The following DHX37 variants were observed in gnomAD, a reference collection of about 807,000 sequenced individuals.
The protein encoded by DHX37 is probable ATP-dependent RNA helicase DHX37.
DHX37 carries 52 observed loss-of-function variants against 134.3 expected under a neutral mutation model. The ratio of observed to expected loss-of-function variants is 0.39; its 90% confidence interval spans 0.31 to 0.49. The LOEUF (loss-of-function observed/expected upper bound fraction) is 0.49. DHX37 is among the 20% of genes least tolerant of loss of function. DHX37 has a pLI of 0.93. For missense variants in DHX37, 1,344 were observed against 1,580.8 expected (o/e 0.85, Z 2.54); for synonymous variants, 634 against 670.7 (o/e 0.95, Z 0.85).
At position 124,947,749 on chromosome 12, in the gene DHX37, T is replaced by A; in HGVS notation, c.*53A>T. ...TCACGGTCGCACGGTGACAGGCTGC[T>A]GCCAGCCCTCCAGTCCCCAAACCAG... On this transcript the variant is annotated 3_prime_UTR_variant, in exon 27 of 27. Transcript: ENST00000308736. 1 of 1,507,366 alleles carries A rather than the reference T, an allele frequency of 6.6e-7. No homozygotes were observed. Among genetic ancestry groups the A allele is most frequent in the Admixed American group, 2.3e-5 (1 of 43,498 alleles). 93.4% of individuals were successfully genotyped at this position (1,507,366 alleles called of 1,614,324 possible).
Position 124,953,902 on chromosome 12 carries a change from C to G in DHX37, c.2673G>C (p.Leu891=). The G allele has an allele frequency of 2.5e-6, 4 of 1,611,826 alleles. No homozygotes were observed. The highest frequency in any genetic ancestry group is 3.4e-6 in the Non-Finnish European group (4 of 1,179,380). Residue 891 remains leucine (L), a synonymous_variant, in exon 20 of 27, where the codon CTG becomes CTC. Coordinates refer to ENST00000308736, the MANE Select transcript of DHX37 (RefSeq NM_032656.4). ...RYKAMMEIRR[L]RGQLTTAVNA... is the part of the protein sequence containing the mutation. ...TACCTGCGGTGGTCAGCTGGCCCCG[C>G]AGGCGCCGGATCTCCATCATGGCTT...
At chr12:124,960,987 G>A (rs769628687) in intron 15 of DHX37, among the ~76,000 whole-genome samples, 2 of 152,214 alleles carry the variant, frequency 1.3e-5, no homozygotes, top group Admixed American at 6.5e-5. Flanking sequence ...TCCATGTAGA[G>A]TACTTAAAAC....
In DHX37 at chr12:124,956,683, C is replaced by T. The variant is rs747347878; in HGVS notation, c.2453+8G>A. On this transcript the variant is annotated splice_region_variant and intron_variant, in intron 18 of 26. Coordinates refer to ENST00000308736, the MANE Select transcript of DHX37 (RefSeq NM_032656.4). ...TTGGCCCTGAGTGCCCAGCCGCCAACCTCGCACCTGTCCAGCTCCTCAAAC... is the reference window on the plus strand; with the variant it reads ...TTGGCCCTGAGTGCCCAGCCGCCAATCTCGCACCTGTCCAGCTCCTCAAAC... The T allele has an allele frequency of 1.9e-6, 3 of 1,542,928 alleles. No homozygotes were observed. Among genetic ancestry groups the T allele is most frequent in the Non-Finnish European group, 2.6e-6 (3 of 1,137,752 alleles).
intron 6 of DHX37, among the ~76,000 whole-genome samples, chr12:124,973,597 A>ATAC: frequency 7.0e-6 from 1 of 142,586 alleles, no homozygotes; most frequent in Admixed American, 7.1e-5. Flanking sequence ...GGGGCTCATT[A>ATAC]TACTATCCTT....
intron 6 of DHX37, among the ~76,000 whole-genome samples, chr12:124,974,944 T>C (rs1039442796): frequency 6.6e-6 from 1 of 151,872 alleles, no homozygotes; most frequent in Admixed American, 6.6e-5. Context: ...ACCTGGCTCA[T>C]CTTGTATTTT....
intron 15 of DHX37, 135 bp downstream of exon 15, chr12:124,964,259 C>T: frequency 7.1e-7 from 1 of 1,404,244 alleles, no homozygotes; most frequent in Non-Finnish European, 9.5e-7. Flanking sequence ...CTGGGGAGCA[C>T]CCCAAAGTCA....
At chr12:124,950,957 G>A in intron 21 of DHX37, 153 bp from the exon 22 acceptor site, 1 of 786,376 alleles carries the variant, frequency 1.3e-6, no homozygotes, top group Non-Finnish European at 1.5e-6. Flanking sequence ...TCCACACGCT[G>A]GAGTCTGATC....
chr12:124,985,465 G>C (rs967097744), intron 2 of DHX37, among the ~76,000 whole-genome samples: 1 of 151,966 alleles, frequency 6.6e-6, no homozygotes. Context: ...GGCTGGGCAT[G>C]GTGGTTCACG....
At chr12:124,977,807 T>C (rs949478819) in intron 4 of DHX37, among the ~76,000 whole-genome samples, 9 of 152,186 alleles carry the variant, frequency 5.9e-5, no homozygotes, top group African/African-American at 1.9e-4. Flanking sequence ...ATAAATAATC[T>C]GGTGCAAATT....
At chr12:124,954,886 TATTATC>T (rs1046651634) in intron 18 of DHX37, among the ~76,000 whole-genome samples, 5 of 152,184 alleles carry the variant, frequency 3.3e-5, no homozygotes, top group African/African-American at 1.2e-4. Flanking sequence ...ACAATCCAAT[TATTATC>T]ATTATCATCA....
chr12:124,975,358 C>T (rs1003367061), intron 6 of DHX37, 61 bp downstream of exon 6: 4 of 1,563,030 alleles, frequency 2.6e-6, no homozygotes, highest in African/African-American at 2.7e-5. Flanking sequence ...CTGGGCTTCC[C>T]ACATCTGGGC....
At chr12:124,972,633 G>A (rs550444935) in intron 6 of DHX37, 34 bp from the exon 7 acceptor site, 12 of 1,609,290 alleles carry the variant, frequency 7.5e-6, no homozygotes, top group African/African-American at 5.3e-5. Context: ...GGGCAGAGCC[G>A]TGCCTGGCTG....
chr12:124,950,559 C>A lies in DHX37; in HGVS notation c.2984-9G>T. 1.3e-6 allele frequency: 2 copies of A among 1,545,686 alleles called. No individual in the cohort carries two copies. The highest frequency in any genetic ancestry group is 1.7e-6 in the Non-Finnish European group (2 of 1,146,896). ...CTCCACGCTAGAGACGCCTGGGGGC[C>A]GGGGGAGGAAGCTGGGGTTACAGCG... is the stretch of plus-strand genomic sequence containing the variant. On this transcript the variant is annotated splice_polypyrimidine_tract_variant and intron_variant, in intron 22 of 26. Coordinates refer to ENST00000308736, the MANE Select transcript of DHX37 (RefSeq NM_032656.4).
rs764894461 is a variant in DHX37, at chr12:124,952,451, G to A, written c.2815C>T (p.Arg939Cys). 8.1e-6 allele frequency: 13 copies of A among 1,611,158 alleles called. No homozygotes were observed. The highest frequency in any genetic ancestry group is 1.6e-4 in the Middle Eastern group (1 of 6,072). ...AGCATCTCCTCGCTCTGGACCCTGC[G>A]GGCCAAGTGGTCCCCCAGGCCTGCC... ...VTAGLGDHLA[R>C]RVQSEEMLED... is the part of the protein sequence containing the mutation. Residue 939 changes from arginine (R) to cysteine (C), a missense_variant, in exon 21 of 27, where the codon CGC becomes TGC. This residue lies in a region of DHX37 where 558 missense variants were observed against 650.0 expected (regional missense o/e 0.86). Transcript: ENST00000308736.
Position 124,980,435 on chromosome 12 carries a change from G to A in DHX37, c.738+55C>T. 1 of 1,578,346 alleles carries A rather than the reference G, an allele frequency of 6.3e-7. No individual in the cohort carries two copies. Among genetic ancestry groups the A allele is most frequent in the South Asian group, 1.1e-5 (1 of 87,910 alleles). On this transcript the variant is annotated intron_variant, in intron 4 of 26. Coordinates refer to ENST00000308736, the MANE Select transcript of DHX37 (RefSeq NM_032656.4). The surrounding 1 kb of genome is among the most constrained non-coding windows in gnomAD (Gnocchi z 5.3). ...GCCCCACTTCACCAGGACGCCCTCT[G>A]TGCGCCCCTTGCCCGCTAACCTAGA... is the stretch of plus-strand genomic sequence containing the variant.
chr12:124,971,501 C>T, intron 7 of DHX37, 86 bp from the exon 8 acceptor site: 3 of 1,547,690 alleles, frequency 1.9e-6, no homozygotes, highest in Non-Finnish European at 2.6e-6. Flanking sequence ...CTTGAGGAGA[C>T]AGTGTTAGAG....
chr12:124,977,329 G>A lies in DHX37; in HGVS notation c.887+13C>T. The A allele has an allele frequency of 6.5e-7, 1 of 1,531,550 alleles. No individual in the cohort carries two copies. The highest frequency in any genetic ancestry group is 2.2e-5 in the Admixed American group (1 of 46,462). The allele number at this position is 1,531,550 out of a possible 1,614,324, so 94.9% of individuals were successfully genotyped here. A position where few individuals can be genotyped will look rare whatever the true frequency, so the allele number is the denominator to read the frequency against. On this transcript the variant is annotated intron_variant, in intron 5 of 26. Transcript: ENST00000308736. ...CTGAGGGACCCAGAGAGAACCCTGT[G>A]TCCAGCCCCTACCTGCTGAAGCCTG...
chr12:124,985,345 A>G (rs1954845551), intron 2 of DHX37, among the ~76,000 whole-genome samples: 1 of 152,164 alleles, frequency 6.6e-6, no homozygotes, highest in African/African-American at 2.4e-5. Context: ...CGATGGGCAC[A>G]TGGGAGTTCA....
chr12:124,972,538 T>C lies in DHX37; in HGVS notation c.1042A>G (p.Met348Val), dbSNP rs370175907. The change falls in exon 7 of 27, where the codon ATG (methionine) becomes GTG (valine). Residue 348 changes from methionine (M) to valine (V), a missense_variant. Physicochemically the swap from Met to Val is conservative, Grantham distance 21. Coordinates refer to ENST00000308736, the MANE Select transcript of DHX37 (RefSeq NM_032656.4). ...NVTEETRIKFMTDGVLLKEIQ... is the reference protein window; with the variant it reads ...NVTEETRIKFVTDGVLLKEIQ... Reference sequence around the variant, plus strand: ...TCTTTAAGCAGCACACCATCCGTCATGAACTTGATTCTGGTCTCCTCTGTC... The same window carrying C: ...TCTTTAAGCAGCACACCATCCGTCACGAACTTGATTCTGGTCTCCTCTGTC... 18 of 1,614,124 alleles carry C rather than the reference T, an allele frequency of 1.1e-5. No individual in the cohort carries two copies. In the African/African-American group the frequency reaches 1.3e-4, roughly 12 times the overall value.
Sources: gnomAD v4.1 joint callset for allele counts (sites outside exome capture counted in the v4.1 genomes callset) on GRCh38, gnomAD v4.1.1 for gene constraint, gnomAD v4.1.1 regional missense constraint, Gnocchi (gnomAD v3.1) non-coding constraint, MANE v1.5 for transcripts, NCBI Gene and HGNC (gene_info 2026-07-23, HGNC 2026-07-21) for gene names.